The following TMEM132D variants were observed in gnomAD, a reference collection of about 807,000 sequenced individuals.
The protein encoded by TMEM132D is transmembrane protein 132D, also known as mature OL transmembrane protein.
In TMEM132D, 21 loss-of-function variants were observed where a neutral mutation model predicts 62.3. The ratio of observed to expected loss-of-function variants is 0.34; its 90% CI spans 0.24 to 0.49. TMEM132D has a LOEUF of 0.49. Among genes scored for constraint, TMEM132D ranks in the 20% least tolerant of loss-of-function variants. The pLI is 0.99. For synonymous variants in TMEM132D, 621 were observed against 575.6 expected, an observed-to-expected ratio of 1.08 and a Z score of -1.13; for missense variants, 1,346 against 1,402.8, an observed-to-expected ratio of 0.96 and a Z score of 0.65.
intron 4 of TMEM132D, among the ~76,000 whole-genome samples, chr12:129,306,380 T>C (rs1006451998): frequency 6.6e-6 from 1 of 152,224 alleles, no homozygotes; most frequent in African/African-American, 2.4e-5. Flanking sequence ...AGCTTCAGCA[T>C]AACATGCCTT....
At chr12:129,609,979 A>G (rs768652559) in intron 2 of TMEM132D, among the ~76,000 whole-genome samples, 2 of 152,158 alleles carry the variant, frequency 1.3e-5, no homozygotes, top group Non-Finnish European at 2.9e-5. Context: ...AAGTGAAAAG[A>G]GAGGGGAAGG....
chr12:129,691,068 A>C lies in TMEM132D; in HGVS notation c.968+8742T>G, dbSNP rs1028735451. On this transcript the variant is annotated intron_variant, in intron 2 of 8. Transcript: ENST00000422113. ...GTCCAACAGATTTTTGTTAATTAAA[A>C]ACACACTTCTCAATAACATATGAAT... Among the ~76,000 whole-genome samples, 15 of 152,198 alleles carry C rather than the reference A, an allele frequency of 9.9e-5. No homozygotes were observed. In the East Asian group the frequency reaches 2.3e-3, roughly 23 times the overall value.
At chr12:129,876,708 T>A (rs192247011) in intron 1 of TMEM132D, among the ~76,000 whole-genome samples, 38 of 152,306 alleles carry the variant, frequency 2.5e-4, no homozygotes, top group African/African-American at 8.9e-4. Context: ...CTGGGGTGGC[T>A]TCCAGCAGCT....
At chr12:129,226,095 G>A (rs1451359473) in intron 4 of TMEM132D, among the ~76,000 whole-genome samples, 1 of 152,206 alleles carries the variant, frequency 6.6e-6, no homozygotes, top group Non-Finnish European at 1.5e-5. Context: ...GATGTTGATT[G>A]CGTGTTATTT....
intron 4 of TMEM132D, chr12:129,212,053 G>A (rs1209679270): frequency 1.3e-5 from 2 of 152,212 alleles, no homozygotes; most frequent in Admixed American, 1.3e-4. Flanking sequence ...TCACAAAGGA[G>A]AGAGACAGAC....
At chr12:129,231,815 C>G (rs1249531961) in intron 4 of TMEM132D, among the ~76,000 whole-genome samples, 1 of 152,168 alleles carries the variant, frequency 6.6e-6, no homozygotes. Flanking sequence ...GAACATAGAG[C>G]CAAACTATCT....
chr12:129,301,962 G>C (rs1452724943), intron 4 of TMEM132D, among the ~76,000 whole-genome samples: 1 of 151,568 alleles, frequency 6.6e-6, no homozygotes, highest in Non-Finnish European at 1.5e-5. Flanking sequence ...AGCACCAATA[G>C]ATCTTTTCTT....
chr12:129,539,334 T>C (rs946437715), intron 2 of TMEM132D, among the ~76,000 whole-genome samples: 2 of 150,378 alleles, frequency 1.3e-5, no homozygotes, highest in African/African-American at 4.9e-5. Context: ...CAGGCTCCAG[T>C]GATCCTCCCA....
chr12:129,513,972 G>C (rs989541646), intron 3 of TMEM132D, among the ~76,000 whole-genome samples: 3 of 150,878 alleles, frequency 2.0e-5, no homozygotes, highest in African/African-American at 7.3e-5. Context: ...CGAGTAGCTG[G>C]GACTACAGGC....
At chr12:129,845,281 C>A (rs1873327247) in intron 1 of TMEM132D, among the ~76,000 whole-genome samples, 1 of 152,176 alleles carries the variant, frequency 6.6e-6, no homozygotes, top group African/African-American at 2.4e-5. Context: ...TGTTTAAATG[C>A]AGATTTATGT....
intron 3 of TMEM132D, among the ~76,000 whole-genome samples, chr12:129,469,697 T>C (rs1482675361): frequency 6.6e-6 from 1 of 152,174 alleles, no homozygotes; most frequent in Non-Finnish European, 1.5e-5. Flanking sequence ...CCCTCTTTTA[T>C]AAGGGAAAAA....
At chr12:129,696,542 G>A (rs1420699283) in intron 2 of TMEM132D, among the ~76,000 whole-genome samples, 1 of 152,206 alleles carries the variant, frequency 6.6e-6, no homozygotes, top group South Asian at 2.1e-4. Flanking sequence ...CACCTTTACT[G>A]GGTTCCAGCC....
In TMEM132D at chr12:129,078,537, T is replaced by A. The variant is rs755402986; in HGVS notation, c.2112A>T (p.Lys704Asn). 6.2e-7 allele frequency: 1 copy of A among 1,613,224 alleles called. No individual in the cohort carries two copies. The highest frequency in any genetic ancestry group is 8.5e-7 in the Non-Finnish European group (1 of 1,179,730). ...AVAQELLQRPKQEAAISCWVQ... is the reference protein window; with the variant it reads ...AVAQELLQRPNQEAAISCWVQ... ...TGTCTCAAGCCCTCCTCCATACCTG[T>A]TTTGGCCTCTGCAGAAGTTCCTGAG... Residue 704 changes from lysine to asparagine, a missense_variant, in exon 8 of 9, where the codon AAA becomes AAT. Lys to Asn is a moderately conservative substitution (Grantham distance 94). Transcript: ENST00000422113.
At position 129,084,795 on chromosome 12, in the gene TMEM132D, G is replaced by GT. The variant is rs750226591; in HGVS notation, c.1444-94dup. 14 of 1,248,998 alleles carry GT rather than the reference G, an allele frequency of 1.1e-5. No homozygotes were observed. In the South Asian group the frequency reaches 2.0e-4, roughly 18 times the overall value. 77.4% of individuals were successfully genotyped at this position (1,248,998 alleles called of 1,614,324 possible). Reference sequence around the variant, plus strand: ...GGAGGAAAGGGAAGTGCCCTGGCTGGTGGAGGTGCTTCCCTTTCCTCCCCT... The same window carrying GT: ...GGAGGAAAGGGAAGTGCCCTGGCTGGTTGGAGGTGCTTCCCTTTCCTCCCCT... On this transcript the variant is annotated intron_variant, in intron 5 of 8. Transcript: ENST00000422113.
chr12:129,638,451 T>C (rs1163983404), intron 2 of TMEM132D, among the ~76,000 whole-genome samples: 1 of 150,752 alleles, frequency 6.6e-6, no homozygotes, highest in Non-Finnish European at 1.5e-5. Flanking sequence ...TTTCCTACTT[T>C]CATTGAAAAA....
At chr12:129,804,569 C>A (rs1274956604) in intron 1 of TMEM132D, among the ~76,000 whole-genome samples, 91 of 148,084 alleles carry the variant, frequency 6.1e-4, no homozygotes, top group African/African-American at 5.0e-5. Context: ...CTATGACAAA[C>A]CCACAGCCAA....
At chr12:129,749,479 T>C (rs1199318866) in intron 1 of TMEM132D, among the ~76,000 whole-genome samples, 1 of 127,904 alleles carries the variant, frequency 7.8e-6, no homozygotes, top group African/African-American at 2.8e-5. Context: ...TTTTTTTTTT[T>C]TGAGTCTCAC....
intron 2 of TMEM132D, chr12:129,683,028 G>C (rs1472429374): frequency 6.6e-6 from 1 of 152,040 alleles, no homozygotes; most frequent in African/African-American, 2.4e-5. Context: ...GGCCCTGGCA[G>C]CGTGCTTTAT....
At chr12:129,420,593 G>A (rs1482180578) in intron 3 of TMEM132D, among the ~76,000 whole-genome samples, 1 of 152,134 alleles carries the variant, frequency 6.6e-6, no homozygotes, top group Non-Finnish European at 1.5e-5. Flanking sequence ...TGCTTCTCAA[G>A]AATCTGAAGT....
Sources: gnomAD v4.1 joint callset for allele counts (sites outside exome capture counted in the v4.1 genomes callset) on GRCh38, gnomAD v4.1.1 for gene constraint, MANE v1.5 for transcripts, NCBI Gene and HGNC (gene_info 2026-07-23, HGNC 2026-07-21) for gene names.